Variants in DEUP1 observed in about 807,000 individuals in gnomAD.
The protein encoded by DEUP1 is deuterosome assembly protein 1.
A neutral mutation model predicts 87.4 loss-of-function variants in DEUP1; 82 were observed. The ratio of observed to expected loss-of-function variants is 0.94; its 90% CI spans 0.78 to 1.13. The LOEUF is 1.13. Among genes scored for constraint, DEUP1 ranks in the 50% most tolerant of loss-of-function variants. DEUP1 has a pLI of 0.00. For missense variants in DEUP1, 663 were observed against 681.5 expected, an observed-to-expected ratio of 0.97 and a Z score of 0.30; for synonymous variants, 214 against 222.7, an observed-to-expected ratio of 0.96 and a Z score of 0.35.
At chr11:93,433,111 C>T (rs1948150186) in intron 13 of DEUP1, among the ~76,000 whole-genome samples, 1 of 152,130 alleles carries the variant, frequency 6.6e-6, no homozygotes, top group Non-Finnish European at 1.5e-5. Flanking sequence ...GTTTAAGTCT[C>T]AAGTCACCTC....
At chr11:93,365,348 A>G (rs1945362618) in intron 5 of DEUP1, among the ~76,000 whole-genome samples, 1 of 152,094 alleles carries the variant, frequency 6.6e-6, no homozygotes, top group Non-Finnish European at 1.5e-5. Context: ...CAAACTTACC[A>G]TCACTAAGTA....
chr11:93,364,049 C>G, intron 4 of DEUP1, 111 bp from the exon 5 acceptor site: 1 of 800,648 alleles, frequency 1.2e-6, no homozygotes, highest in Non-Finnish European at 1.9e-6. Flanking sequence ...CTTTACTGCA[C>G]TTTCTAATCA....
At chr11:93,429,275 A>G (rs1948031151) in intron 13 of DEUP1, among the ~76,000 whole-genome samples, 1 of 152,170 alleles carries the variant, frequency 6.6e-6, no homozygotes, top group Non-Finnish European at 1.5e-5. Context: ...TCTCAACATA[A>G]AATGCCAACA....
At chr11:93,387,313 T>C in intron 8 of DEUP1, among the ~76,000 whole-genome samples, 1 of 152,202 alleles carries the variant, frequency 6.6e-6, no homozygotes, top group African/African-American at 2.4e-5. Context: ...TGCTTCTTTG[T>C]AGTTGTATCA....
At chr11:93,428,362 A>G (rs10831044) in intron 13 of DEUP1, among the ~76,000 whole-genome samples, 125,431 of 151,268 alleles carry the variant, frequency 0.83, 52,107 homozygotes, top group East Asian at 0.91. Context: ...ACCAAACACC[A>G]CATGTTCTCA....
intron 2 of DEUP1, among the ~76,000 whole-genome samples, chr11:93,349,077 T>C (rs762622837): frequency 6.6e-6 from 1 of 152,208 alleles, no homozygotes; most frequent in Admixed American, 6.5e-5. Flanking sequence ...GCCTCCTTTT[T>C]GAAAGCCCGC....
In DEUP1 at chr11:93,355,528, C is replaced by G; in HGVS notation, c.187C>G (p.Gln63Glu). ...ELANAQTCLD[Q>E]KGQEVGLLRQ... ...GGCAAATGCACAAACTTGTTTGGAT[C>G]AGAAAGGTCAAGAGGTACTGAATAC... The change falls in exon 3 of 14, where the codon CAG (glutamine) becomes GAG (glutamate). Residue 63 changes from glutamine (Q) to glutamate (E), a missense_variant. Coordinates refer to ENST00000298050, the MANE Select transcript of DEUP1 (RefSeq NM_181645.4). 6.2e-7 allele frequency: 1 copy of G among 1,613,476 alleles called. No homozygotes were observed. Among genetic ancestry groups the G allele is most frequent in the Non-Finnish European group, 8.5e-7 (1 of 1,179,650 alleles).
intron 2 of DEUP1, chr11:93,352,166 A>C (rs1380289194): frequency 1.9e-6 from 1 of 515,948 alleles, no homozygotes; most frequent in Non-Finnish European, 3.5e-6. Context: ...AATGGAGGAA[A>C]TGCTGTCATG....
intron 8 of DEUP1, among the ~76,000 whole-genome samples, chr11:93,387,781 T>G (rs1387677916): frequency 2.6e-5 from 4 of 152,132 alleles, no homozygotes; most frequent in Non-Finnish European, 2.9e-5. Flanking sequence ...AGACTGATCC[T>G]GAAATAATAT....
chr11:93,357,247 T>A, intron 4 of DEUP1: 2 of 458,228 alleles, frequency 4.4e-6, no homozygotes, highest in South Asian at 6.1e-5. Context: ...TGTGCCTCTG[T>A]TAGCACAGTA....
rs1377578150 is a variant in DEUP1, at chr11:93,355,397, A to G, written c.56A>G (p.Gln19Arg). Residue 19 changes from glutamine (Q) to arginine (R), a missense_variant, in exon 3 of 14, where the codon CAG becomes CGG. Physicochemically the swap from Gln to Arg is conservative, Grantham distance 43 (BLOSUM62 1). Coordinates refer to ENST00000298050, the MANE Select transcript of DEUP1 (RefSeq NM_181645.4). ...MGTSPCEAEL[Q>R]ELMEQIDIMV... ...ACTTCTCCTTGTGAGGCTGAGCTTC[A>G]GGAATTAATGGAACAAATTGACATC... The G allele has an allele frequency of 6.2e-6, 10 of 1,613,628 alleles. No individual in the cohort carries two copies. The highest frequency in any genetic ancestry group is 1.1e-5 in the South Asian group (1 of 91,020).
chr11:93,332,882 C>A (rs1377632242), intron 2 of DEUP1, among the ~76,000 whole-genome samples: 1 of 152,198 alleles, frequency 6.6e-6, no homozygotes, highest in African/African-American at 2.4e-5. Flanking sequence ...GTTTCACTAG[C>A]CAACTGACCA....
chr11:93,338,320 C>T (rs1180561167), intron 2 of DEUP1, among the ~76,000 whole-genome samples: 1 of 151,996 alleles, frequency 6.6e-6, no homozygotes, highest in Non-Finnish European at 1.5e-5. Flanking sequence ...GGGGCCCTAG[C>T]TCTGTTCAGC....
At chr11:93,414,938 T>C in intron 12 of DEUP1, 62 bp from the exon 13 acceptor site, 1 of 920,092 alleles carries the variant, frequency 1.1e-6, no homozygotes, top group Non-Finnish European at 1.6e-6. Flanking sequence ...TTAAAATCCT[T>C]AGCTACATAA....
At position 93,415,165 on chromosome 11, in the gene DEUP1, C is replaced by G. The variant is rs777237219; in HGVS notation, c.1638+51C>G. 19 of 1,055,064 alleles carry G rather than the reference C, an allele frequency of 1.8e-5. No homozygotes were observed. The South Asian group carries it at 2.6e-4, about 14-fold the overall frequency. The allele number at this position is 1,055,064 out of a possible 1,614,324, so 65.4% of individuals were successfully genotyped here. ...TTTTCTTTAATGGGTTATTGCTTTA[C>G]TCTTACACTGATGTCAATAAACTGA... is the stretch of plus-strand genomic sequence containing the variant. On this transcript the variant is annotated intron_variant, in intron 13 of 13. Transcript: ENST00000298050.
chr11:93,357,783 C>G (rs183151356), intron 4 of DEUP1, among the ~76,000 whole-genome samples: 2 of 152,242 alleles, frequency 1.3e-5, no homozygotes, highest in Non-Finnish European at 1.5e-5. Flanking sequence ...GGAGCCTAAG[C>G]AATTACTGAA....
In DEUP1 at chr11:93,379,485, C is replaced by T. The variant is rs576703682; in HGVS notation, c.790-5913C>T. Among the ~76,000 whole-genome samples the T allele has an allele frequency of 2.6e-5, 4 of 152,260 alleles. No individual in the cohort carries two copies. The South Asian group carries it at 8.3e-4, about 32-fold the overall frequency. ...TAGCTAGGATCACCATCTCTACTCTCCCTCCAAATAAATGCCTTAAGCCTA... is the reference window on the plus strand; with the variant it reads ...TAGCTAGGATCACCATCTCTACTCTTCCTCCAAATAAATGCCTTAAGCCTA... On this transcript the variant is annotated intron_variant, in intron 7 of 13. Transcript: ENST00000298050.
rs2134364463 is a variant in DEUP1 at position 93,394,580 on chromosome 11, C to G, written c.1163C>G (p.Thr388Arg). 6.2e-7 allele frequency: 1 copy of G among 1,612,914 alleles called. No individual in the cohort carries two copies. The change falls in exon 10 of 14, where the codon ACA becomes AGA. Residue 388 changes from threonine (T) to arginine (R), a missense_variant. Thr to Arg is a moderately conservative substitution (Grantham distance 71, BLOSUM62 -1). Transcript: ENST00000298050. ...HQKEITIATV[T>R]KKAALLEKQL... is the part of the protein sequence containing the mutation. The stretch of plus-strand genomic sequence containing the variant: ...AAGGAGATCACTATAGCAACTGTCA[C>G]AAAGAAAGCTGCCCTTCTGGAAAAA...
intron 13 of DEUP1, among the ~76,000 whole-genome samples, chr11:93,432,752 T>G (rs368531560): frequency 6.6e-6 from 1 of 152,114 alleles, no homozygotes; most frequent in African/African-American, 2.4e-5. Flanking sequence ...AGGAAGATGA[T>G]GGATAGTGAA....
Sources: allele counts gnomAD v4.1 joint callset (sites outside exome capture counted in the v4.1 genomes callset), GRCh38; gene constraint gnomAD v4.1.1; transcripts MANE v1.5; gene names NCBI Gene and HGNC (gene_info 2026-07-23, HGNC 2026-07-21).